LAMA1: variants seen among roughly 807,000 people sequenced by gnomAD.
LAMA1 encodes the protein laminin subunit alpha-1.
In LAMA1, 219 loss-of-function variants were observed where a neutral mutation model predicts 348.7. The ratio of observed to expected loss-of-function variants is 0.63; its 90% CI spans 0.56 to 0.70. The LOEUF is 0.70. Ranked by LOEUF, LAMA1 falls within the 30% of genes least tolerant of loss-of-function variation. The pLI, the probability that LAMA1 is intolerant of heterozygous loss-of-function variation, is 0.00. For missense variants in LAMA1, 3,744 were observed against 3,888.0 expected, an observed-to-expected ratio of 0.96 and a Z score of 0.99; for synonymous variants, 1,487 against 1,491.0, an observed-to-expected ratio of 1.00 and a Z score of 0.06.
At chr18:6,957,148 T>C (rs922127773) in intron 55 of LAMA1, 1 of 314,826 alleles carries the variant, frequency 3.2e-6, no homozygotes, top group East Asian at 8.1e-5. Flanking sequence ...GATTTCTTGT[T>C]TACGTGCTTC....
At chr18:7,051,194 G>A (rs1328005546) in intron 3 of LAMA1, among the ~76,000 whole-genome samples, 1 of 152,242 alleles carries the variant, frequency 6.6e-6, no homozygotes, top group South Asian at 2.1e-4. Flanking sequence ...CTGTATACTA[G>A]AAATTTATTT....
At chr18:7,015,650 G>T in intron 22 of LAMA1, 72 bp downstream of exon 22, 43 of 1,437,548 alleles carry the variant, frequency 3.0e-5, no homozygotes, top group Non-Finnish European at 3.9e-5. Context: ...AAAATATATA[G>T]AAGAACAGGC....
Position 7,034,518 on chromosome 18 carries a change from A to C in LAMA1, c.2012T>G (p.Ile671Ser), listed in dbSNP as rs1486148815. ...TTTTGCAGAATTGTAGTTGGCTCTG[A>C]TCAAAAGATGTGTCACATTGGCAAG... ...TVLANVTHLL[I>S]RANYNSAKMA... The change falls in exon 14 of 63, where the codon ATC becomes AGC. Residue 671 changes from isoleucine to serine, a missense_variant. Around this residue, in one of 3 missense-constraint regions of LAMA1, gnomAD observed 1,529 missense variants for 1,689.4 expected, o/e 0.91. Coordinates refer to ENST00000389658, the MANE Select transcript of LAMA1 (RefSeq NM_005559.4). The C allele has an allele frequency of 6.2e-7, 1 of 1,614,200 alleles. No individual in the cohort carries two copies. The highest frequency in any genetic ancestry group is 8.5e-7 in the Non-Finnish European group (1 of 1,180,040).
Position 7,040,687 on chromosome 18 carries a change from C to A in LAMA1, c.1262-451G>T, listed in dbSNP as rs537270800. Among the ~76,000 whole-genome samples the A allele has an allele frequency of 2.3e-4, 35 of 152,294 alleles. No individual in the cohort carries two copies. The South Asian group carries it at 5.6e-3, about 24-fold the overall frequency. On this transcript the variant is annotated intron_variant, in intron 9 of 62. Transcript: ENST00000389658. ...CCCAATAAAATAATGAAAACATACACCCACAAAAGTCCCTAGTAGCATTGT... is the reference window on the plus strand; with the variant it reads ...CCCAATAAAATAATGAAAACATACAACCACAAAAGTCCCTAGTAGCATTGT...
At chr18:7,085,463 G>A (rs1471615541) in intron 1 of LAMA1, among the ~76,000 whole-genome samples, 15 of 132,492 alleles carry the variant, frequency 1.1e-4, no homozygotes, top group African/African-American at 3.7e-4. Flanking sequence ...CTGTCGCCCA[G>A]GCTGTAGTGC....
rs142825561 is a variant in LAMA1, at chr18:6,982,574, A to G, written c.5813T>C (p.Val1938Ala). The change falls in exon 41 of 63, where the codon GTT becomes GCT. Residue 1938 changes from valine to alanine, a missense_variant. Physicochemically the swap from Val to Ala is moderately conservative, Grantham distance 64. Around this residue, in one of 3 missense-constraint regions of LAMA1, gnomAD observed 1,983 missense variants for 1,934.3 expected, o/e 1.03. Transcript: ENST00000389658. Reference protein sequence around the residue: ...TETSLLSESLVSNGKAAVQRS... With the variant: ...TETSLLSESLASNGKAAVQRS... ...CTGCACGGCCGCTTTCCCGTTAGAAACAAGGGATTCTGAGAGCTGGAAAAC... is the reference window on the plus strand; with the variant it reads ...CTGCACGGCCGCTTTCCCGTTAGAAGCAAGGGATTCTGAGAGCTGGAAAAC... The G allele has an allele frequency of 6.8e-6, 11 of 1,614,122 alleles. No individual in the cohort carries two copies. The highest frequency in any genetic ancestry group is 5.5e-5 in the South Asian group (5 of 91,080).
intron 62 of LAMA1, 150 bp from the exon 63 acceptor site, chr18:6,942,389 G>A: frequency 3.5e-6 from 3 of 852,892 alleles, no homozygotes; most frequent in Non-Finnish European, 5.3e-6. Flanking sequence ...CACATATGTG[G>A]TGTCAGTGAC....
At chr18:7,088,080 AG>A (rs1487619737) in intron 1 of LAMA1, among the ~76,000 whole-genome samples, 1 of 152,176 alleles carries the variant, frequency 6.6e-6, no homozygotes, top group Non-Finnish European at 1.5e-5. Flanking sequence ...GGGTATGAAA[AG>A]CACATACCTC....
chr18:6,999,531 C>T lies in LAMA1; in HGVS notation c.4577G>A (p.Gly1526Glu). The T allele has an allele frequency of 1.2e-6, 2 of 1,614,064 alleles. No individual in the cohort carries two copies. The highest frequency in any genetic ancestry group is 1.7e-6 in the Non-Finnish European group (2 of 1,179,996). The change falls in exon 32 of 63, where the codon GGG becomes GAG. Residue 1526 changes from glycine (G) to glutamate (E), a missense_variant. Physicochemically the swap from Gly to Glu is moderately conservative, Grantham distance 98. Around this residue, in one of 3 missense-constraint regions of LAMA1, gnomAD observed 1,983 missense variants for 1,934.3 expected, o/e 1.03. Transcript: ENST00000389658. ...SVHGDCDRTSGQCVCRLGASG... is the reference protein window; with the variant it reads ...SVHGDCDRTSEQCVCRLGASG... ...GGCCCCCAGCCTGCAAACGCACTGC[C>T]CAGATGTGCGGTCACAGTCACCGTG...
intron 3 of LAMA1, among the ~76,000 whole-genome samples, chr18:7,074,134 G>A (rs530637156): frequency 4.4e-4 from 67 of 152,130 alleles, no homozygotes; most frequent in Non-Finnish European, 8.8e-4. Flanking sequence ...CGCCCGGCCA[G>A]AACAACCACA....
At chr18:7,020,113 A>G (rs2057908641) in intron 19 of LAMA1, among the ~76,000 whole-genome samples, 1 of 152,184 alleles carries the variant, frequency 6.6e-6, no homozygotes, top group South Asian at 2.1e-4. Flanking sequence ...GTAGCTCACA[A>G]TATAAAAATT....
intron 3 of LAMA1, among the ~76,000 whole-genome samples, chr18:7,070,027 G>A (rs928062391): frequency 4.6e-5 from 7 of 152,122 alleles, no homozygotes; most frequent in African/African-American, 7.2e-5. Context: ...AAAATAAAAC[G>A]AGATAATGAA....
intron 58 of LAMA1, among the ~76,000 whole-genome samples, chr18:6,949,811 G>GA (rs2057538286): frequency 6.6e-6 from 1 of 152,150 alleles, no homozygotes; most frequent in Admixed American, 6.5e-5. Flanking sequence ...TAAAATTAAG[G>GA]AAATGCCACA....
At chr18:6,977,957 A>C in intron 43 of LAMA1, 76 bp from the exon 44 acceptor site, 1 of 1,504,944 alleles carries the variant, frequency 6.6e-7, no homozygotes, top group South Asian at 1.1e-5. Context: ...TTGTCCATTA[A>C]CAATGCACTT....
At chr18:7,080,525 A>G in intron 1 of LAMA1, 68 bp from the exon 2 acceptor site, 1 of 1,513,772 alleles carries the variant, frequency 6.6e-7, no homozygotes, top group South Asian at 1.2e-5. Flanking sequence ...ACCCCATCCC[A>G]CTTGGTAGGT....
chr18:7,008,073 C>T (rs571076963), intron 28 of LAMA1, among the ~76,000 whole-genome samples: 8 of 152,070 alleles, frequency 5.3e-5, no homozygotes, highest in Admixed American at 1.3e-4. Flanking sequence ...GCTGGGATTA[C>T]AGGCATGTGC....
rs558239981 is a variant in LAMA1 at position 7,115,709 on chromosome 18, G to A, written c.61+1951C>T. On this transcript the variant is annotated intron_variant, in intron 1 of 62. Coordinates refer to ENST00000389658, the MANE Select transcript of LAMA1 (RefSeq NM_005559.4). Reference sequence around the variant, plus strand: ...AATCAGGCCGGGCGCGGCGGCTCACGCCTGCAAACCCAGCACTTTGGGAGG... The same window carrying A: ...AATCAGGCCGGGCGCGGCGGCTCACACCTGCAAACCCAGCACTTTGGGAGG... Among the ~76,000 whole-genome samples, 19 of 148,810 alleles carry A rather than the reference G, an allele frequency of 1.3e-4. No homozygotes were observed. The South Asian group carries it at 1.5e-3, about 12-fold the overall frequency.
rs189222099 is a variant in LAMA1 at position 7,029,421 on chromosome 18, T to G, written c.2274+2645A>C. Among the ~76,000 whole-genome samples, 563 of 152,354 alleles carry G rather than the reference T, an allele frequency of 3.7e-3. 2 individuals carry two copies. The highest frequency in any genetic ancestry group is 0.017 in the Middle Eastern group (5 of 294). On this transcript the variant is annotated intron_variant, in intron 16 of 62. Coordinates refer to ENST00000389658, the MANE Select transcript of LAMA1 (RefSeq NM_005559.4). ...GTTGAGCTAAAAGTATTCTGCAGAGTAACTGCAATTTCATTTTAAAAATAT... is the reference window on the plus strand; with the variant it reads ...GTTGAGCTAAAAGTATTCTGCAGAGGAACTGCAATTTCATTTTAAAAATAT...
intron 58 of LAMA1, among the ~76,000 whole-genome samples, chr18:6,949,817 C>T (rs1236586671): frequency 6.6e-6 from 1 of 152,172 alleles, no homozygotes; most frequent in African/African-American, 2.4e-5. Flanking sequence ...TAAGGAAATG[C>T]CACAAGGTTG....
Sources: gnomAD v4.1 joint callset for allele counts (sites outside exome capture counted in the v4.1 genomes callset) on GRCh38, gnomAD v4.1.1 for gene constraint, gnomAD v4.1.1 regional missense constraint, MANE v1.5 for transcripts, NCBI Gene and HGNC (gene_info 2026-07-23, HGNC 2026-07-21) for gene names.